Variants in GLB1L3 observed in about 807,000 individuals in gnomAD.
The protein encoded by GLB1L3 is galactosidase beta 1 like 3.
Under a neutral mutation model 89.5 loss-of-function variants are expected in GLB1L3, and 89 were observed. The ratio of observed to expected loss-of-function variants is 0.99; its 90% CI spans 0.84 to 1.19. GLB1L3 has a LOEUF of 1.19. Ranked by LOEUF, GLB1L3 falls within the 50% of genes most tolerant of loss-of-function variation. The pLI is 0.00. For missense variants in GLB1L3, 812 were observed against 813.3 expected (o/e 1.00, Z 0.02); for synonymous variants, 314 against 312.3 (o/e 1.01, Z -0.06).
chr11:134,314,309 A>G (rs1565421622), intron 17 of GLB1L3, 21 bp from the exon 18 acceptor site: 7 of 1,511,264 alleles, frequency 4.6e-6, no homozygotes, highest in Middle Eastern at 1.8e-4. Context: ...CTTCTCCCCC[A>G]TGGCTTGGCC....
intron 10 of GLB1L3, 36 bp downstream of exon 10, chr11:134,307,244 T>C: frequency 6.9e-7 from 1 of 1,456,318 alleles, no homozygotes; most frequent in Middle Eastern, 1.7e-4. Context: ...CAGGAAGAGA[T>C]GGCCCCAGGT....
intron 14 of GLB1L3, 151 bp from the exon 15 acceptor site, chr11:134,312,665 T>C: frequency 1.1e-6 from 1 of 951,250 alleles, no homozygotes; most frequent in Non-Finnish European, 1.6e-6. Flanking sequence ...CCACTGAGAG[T>C]CTCTTGGGGC....
At chr11:134,323,396 TACACACACAC>T (rs61583599), downstream of GLB1L3, among the ~76,000 whole-genome samples, 1,932 of 148,592 alleles carry the variant, frequency 0.013, 47 homozygotes, top group African/African-American at 0.044. Context: ...CACACACACG[TACACACACAC>T]ACACACACAC....
intron 11 of GLB1L3, 68 bp from the exon 12 acceptor site, chr11:134,310,503 C>T (rs1942673458): frequency 8.1e-7 from 1 of 1,231,826 alleles, no homozygotes. Flanking sequence ...CCATCTCCTG[C>T]CAGCGGTGCT....
At chr11:134,312,282 G>A in intron 13 of GLB1L3, 67 bp from the exon 14 acceptor site, 3 of 1,562,136 alleles carry the variant, frequency 1.9e-6, no homozygotes, top group East Asian at 4.5e-5. Context: ...CAAATGACAG[G>A]GTCTTAGGAA....
At chr11:134,320,486 AAACTT>A (rs558713890), downstream of GLB1L3, among the ~76,000 whole-genome samples, 5 of 152,186 alleles carry the variant, frequency 3.3e-5, no homozygotes, top group African/African-American at 4.8e-5. Context: ...TGCAACATCT[AAACTT>A]AACAACAACC....
intron 10 of GLB1L3, among the ~76,000 whole-genome samples, chr11:134,308,393 C>CACT (rs1942427750): frequency 1.4e-5 from 1 of 69,138 alleles, no homozygotes; most frequent in Admixed American, 2.0e-4. Context: ...CCACCATCAC[C>CACT]ACCATCACCA....
intron 6 of GLB1L3, among the ~76,000 whole-genome samples, chr11:134,288,489 A>G (rs569289679): frequency 1.3e-5 from 2 of 152,330 alleles, no homozygotes; most frequent in Admixed American, 1.3e-4. Flanking sequence ...GGAGGTGGGA[A>G]TATGGATGGG....
At chr11:134,294,426 C>A (rs1376859370) in intron 9 of GLB1L3, among the ~76,000 whole-genome samples, 2 of 152,232 alleles carry the variant, frequency 1.3e-5, no homozygotes, top group African/African-American at 4.8e-5. Context: ...TGCCAGGGCT[C>A]TGTGGATCTG....
chr11:134,321,868 T>C (rs1943173217), downstream of GLB1L3, among the ~76,000 whole-genome samples: 1 of 151,630 alleles, frequency 6.6e-6, no homozygotes, highest in African/African-American at 2.4e-5. Context: ...TGTATACATA[T>C]GTAACAAACC....
Position 134,311,157 on chromosome 11 carries a change from C to G in GLB1L3, c.1274C>G (p.Ser425Cys). ...TACCTCCCGCTGTGGGACGCCCTAT[C>G]CTACTTAAATGAGGTGCGTGCTGCC... is the stretch of plus-strand genomic sequence containing the variant. ...SLYLPLWDALSYLNEPVRSRQ... is the reference protein window; with the variant it reads ...SLYLPLWDALCYLNEPVRSRQ... The change falls in exon 13 of 20, where the codon TCC (serine) becomes TGC (cysteine). Residue 425 changes from serine (S) to cysteine (C), a missense_variant. By Grantham distance (112) the Ser-to-Cys change is moderately radical. Around this residue, in one of 3 missense-constraint regions of GLB1L3, gnomAD observed 618 missense variants for 604.0 expected, o/e 1.02. Transcript: ENST00000431683. The G allele has an allele frequency of 6.2e-7, 1 of 1,613,358 alleles. No homozygotes were observed. The highest frequency in any genetic ancestry group is 1.1e-5 in the South Asian group (1 of 91,048).
At chr11:134,284,916 T>C (rs772513560) in intron 6 of GLB1L3, among the ~76,000 whole-genome samples, 3 of 144,188 alleles carry the variant, frequency 2.1e-5, no homozygotes, top group South Asian at 4.5e-4. Context: ...ACAGGTGCCA[T>C]GCATTGCCTT....
chr11:134,304,609 A>G (rs1942098258), intron 9 of GLB1L3, among the ~76,000 whole-genome samples: 1 of 151,038 alleles, frequency 6.6e-6, no homozygotes, highest in South Asian at 2.1e-4. Context: ...AGCTGCTTCC[A>G]GTTTGGACTT....
chr11:134,314,280 TG>T, intron 17 of GLB1L3, 49 bp from the exon 18 acceptor site: 2 of 1,329,044 alleles, frequency 1.5e-6, no homozygotes, highest in South Asian at 2.6e-5. Flanking sequence ...TACTGGGAAC[TG>T]GGTTGGGAAG....
intron 9 of GLB1L3, among the ~76,000 whole-genome samples, chr11:134,294,457 A>G (rs927973086): frequency 3.3e-5 from 5 of 152,164 alleles, no homozygotes; most frequent in African/African-American, 4.8e-5. Context: ...TAGTTTTTCA[A>G]TACCTTTGCT....
chr11:134,276,014 T>C (rs1940355441), upstream of GLB1L3: 1 of 152,460 alleles, frequency 6.6e-6, no homozygotes, highest in African/African-American at 2.4e-5. Context: ...GTCCCCACTG[T>C]CTTCTGGAAG....
At chr11:134,301,419 A>G (rs1837204980) in intron 9 of GLB1L3, among the ~76,000 whole-genome samples, 1 of 152,210 alleles carries the variant, frequency 6.6e-6, no homozygotes, top group African/African-American at 2.4e-5. Flanking sequence ...ATAATGGCAT[A>G]TAATTATGCA....
chr11:134,304,361 T>A (rs1007771734), intron 9 of GLB1L3, among the ~76,000 whole-genome samples: 1 of 152,220 alleles, frequency 6.6e-6, no homozygotes, highest in African/African-American at 2.4e-5. Context: ...ATAACATAGA[T>A]CATGATTGTT....
intron 9 of GLB1L3, among the ~76,000 whole-genome samples, chr11:134,303,071 T>G (rs1942028345): frequency 6.6e-6 from 1 of 152,228 alleles, no homozygotes; most frequent in African/African-American, 2.4e-5. Context: ...CATGAAATTT[T>G]ATCACTAGGG....
Sources: allele counts gnomAD v4.1 joint callset (sites outside exome capture counted in the v4.1 genomes callset), GRCh38; gene constraint gnomAD v4.1.1; regional missense constraint gnomAD v4.1.1; transcripts MANE v1.5; gene names NCBI Gene and HGNC (gene_info 2026-07-23, HGNC 2026-07-21).